The following GSG1L variants were observed in gnomAD, a reference collection of about 807,000 sequenced individuals.
The protein encoded by GSG1L is GSG1 like.
GSG1L carries 24 observed loss-of-function variants against 42.1 expected under a neutral mutation model. The ratio of observed to expected loss-of-function variants is 0.57; its 90% CI spans 0.41 to 0.80. The LOEUF (loss-of-function observed/expected upper bound fraction) is 0.80, where lower values mean the gene tolerates loss of function less well. Ranked by LOEUF, GSG1L falls within the 30% of genes least tolerant of loss-of-function variation. The pLI is 0.00. For synonymous variants in GSG1L, 215 were observed against 203.5 expected (o/e 1.06, Z -0.48); for missense variants, 445 against 472.2 (o/e 0.94, Z 0.53).
chr16:27,939,616 A>G (rs8057759), intron 2 of GSG1L, among the ~76,000 whole-genome samples: 26,098 of 152,112 alleles, frequency 0.17, 2,335 homozygotes, highest in Non-Finnish European at 0.19. Context: ...CTGGGCTTTT[A>G]AGTTCAAAAG....
Position 27,834,306 on chromosome 16 carries a change from G to T in GSG1L, c.663-5350C>A, listed in dbSNP as rs1006073848. Among the ~76,000 whole-genome samples, 3 of 152,096 alleles carry T rather than the reference G, an allele frequency of 2.0e-5. No individual in the cohort carries two copies. The South Asian group carries it at 6.2e-4, about 32-fold the overall frequency. On this transcript the variant is annotated intron_variant, in intron 4 of 6. Transcript: ENST00000447459. ...TAGAATAAGCCCCACTTATCATGAC[G>T]TATAATTATTTTTATATATTGCTGA...
chr16:28,029,346 C>T (rs1167270130), intron 1 of GSG1L, among the ~76,000 whole-genome samples: 4 of 152,160 alleles, frequency 2.6e-5, no homozygotes, highest in Non-Finnish European at 4.4e-5. Context: ...GAGATGGGAT[C>T]GTTTGTATCA....
chr16:27,918,861 T>C (rs1465071246), intron 2 of GSG1L, among the ~76,000 whole-genome samples: 1 of 152,084 alleles, frequency 6.6e-6, no homozygotes, highest in Non-Finnish European at 1.5e-5. Flanking sequence ...CATGAAATTC[T>C]ATGGGAGACA....
intron 4 of GSG1L, 57 bp from the exon 5 acceptor site, chr16:27,829,013 A>C (rs1167010152): frequency 3.3e-6 from 5 of 1,531,808 alleles, no homozygotes; most frequent in Non-Finnish European, 4.5e-6. Flanking sequence ...GACAGGAAAA[A>C]TCCCACACCC....
rs115818976 is a variant in GSG1L at position 27,796,629 on chromosome 16, C to T, written c.899-5162G>A. Among the ~76,000 whole-genome samples the T allele has an allele frequency of 2.5e-3, 380 of 152,288 alleles. 3 individuals are homozygous for T. The highest frequency in any genetic ancestry group is 8.6e-3 in the African/African-American group (356 of 41,546). On this transcript the variant is annotated intron_variant, in intron 6 of 6. Coordinates refer to ENST00000447459, the MANE Select transcript of GSG1L (RefSeq NM_001109763.2). ...GGAGGAAGGGCAGGCTTGAGTGGGA[C>T]GGACCCGTATGGAGGGAAGTTTGTG...
intron 1 of GSG1L, among the ~76,000 whole-genome samples, chr16:28,049,040 G>A (rs1296995735): frequency 6.6e-6 from 1 of 152,170 alleles, no homozygotes; most frequent in Non-Finnish European, 1.5e-5. Flanking sequence ...TCTCAGTACA[G>A]ATCCTGTGTA....
intron 2 of GSG1L, among the ~76,000 whole-genome samples, chr16:27,891,982 C>A (rs1451492426): frequency 6.7e-6 from 1 of 149,948 alleles, no homozygotes; most frequent in Non-Finnish European, 1.5e-5. Flanking sequence ...GAGTGCCCCA[C>A]CAGCACCACC....
Position 27,899,663 on chromosome 16 carries a change from G to T in GSG1L, c.398-15025C>A, listed in dbSNP as rs114217439. 3.0e-3 allele frequency among the ~76,000 whole-genome samples: 454 copies of T among 152,276 alleles called. 4 individuals carry two copies. Among genetic ancestry groups the T allele is most frequent in the Middle Eastern group, 0.01 (3 of 294 alleles). On this transcript the variant is annotated intron_variant, in intron 2 of 6. Transcript: ENST00000447459. ...GCTCGGGAGGTTGAAGCTACAGTGA[G>T]CTATGATTGTACCACTGCACTCCAG... is the stretch of plus-strand genomic sequence containing the variant.
At chr16:27,888,013 G>T (rs1415713969) in intron 2 of GSG1L, 11 of 766,954 alleles carry the variant, frequency 1.4e-5, no homozygotes, top group Middle Eastern at 6.5e-4. Flanking sequence ...GCCTGCAGGA[G>T]GGTGGCCGCC....
At chr16:27,953,498 G>A (rs1196057017) in intron 2 of GSG1L, among the ~76,000 whole-genome samples, 1 of 152,190 alleles carries the variant, frequency 6.6e-6, no homozygotes, top group African/African-American at 2.4e-5. Flanking sequence ...CCAACTGAGA[G>A]ATTATTGTCA....
chr16:27,983,207 T>G (rs1462431927), intron 1 of GSG1L, among the ~76,000 whole-genome samples: 1 of 152,032 alleles, frequency 6.6e-6, no homozygotes, highest in Non-Finnish European at 1.5e-5. Context: ...TGGCGGTGCA[T>G]GCCTGTAGTC....
chr16:28,046,369 T>C (rs949401889), intron 1 of GSG1L, among the ~76,000 whole-genome samples: 5 of 110,668 alleles, frequency 4.5e-5, no homozygotes, highest in Middle Eastern at 4.3e-3. Context: ...TTTTTTTTTT[T>C]CTGAGACGGA....
At chr16:27,883,308 T>G in intron 3 of GSG1L, among the ~76,000 whole-genome samples, 1 of 148,044 alleles carries the variant, frequency 6.8e-6, no homozygotes, top group East Asian at 2.0e-4. Flanking sequence ...CTTGGACAGC[T>G]GGGGATGGGG....
chr16:27,794,866 C>A (rs2144392372), intron 6 of GSG1L, among the ~76,000 whole-genome samples: 1 of 152,200 alleles, frequency 6.6e-6, no homozygotes, highest in Non-Finnish European at 1.5e-5. Flanking sequence ...CTGCTCTTCT[C>A]CAGCTGTTGA....
chr16:27,888,511 C>CCG (rs1567505998), intron 2 of GSG1L, among the ~76,000 whole-genome samples: 14 of 14,116 alleles, frequency 9.9e-4, no homozygotes, highest in South Asian at 3.5e-3. Flanking sequence ...TTCTTTCTTT[C>CCG]TTTCTTTCTT....
chr16:27,926,110 A>G (rs2084589250), intron 2 of GSG1L, among the ~76,000 whole-genome samples: 1 of 152,218 alleles, frequency 6.6e-6, no homozygotes, highest in Admixed American at 6.5e-5. Context: ...AGGAAAAAGG[A>G]GTGACAAAGC....
chr16:27,888,457 T>TC (rs1372082615), intron 2 of GSG1L, among the ~76,000 whole-genome samples: 406 of 18,892 alleles, frequency 0.021, 32 homozygotes, highest in South Asian at 0.053. Context: ...TCTTTCTTTC[T>TC]TTCTTTCTCT....
chr16:28,022,264 G>A (rs1421404050), intron 1 of GSG1L, among the ~76,000 whole-genome samples: 1 of 152,064 alleles, frequency 6.6e-6, no homozygotes, highest in Non-Finnish European at 1.5e-5. Context: ...ATTACATGAG[G>A]TTCAATCAGG....
At chr16:27,845,727 A>C (rs561122088) in intron 3 of GSG1L, among the ~76,000 whole-genome samples, 3 of 152,252 alleles carry the variant, frequency 2.0e-5, no homozygotes, top group African/African-American at 7.2e-5. Flanking sequence ...AGTGAGCTTG[A>C]GCATTTTTCA....
Sources: gnomAD v4.1 joint callset for allele counts (sites outside exome capture counted in the v4.1 genomes callset) on GRCh38, gnomAD v4.1.1 for gene constraint, MANE v1.5 for transcripts, NCBI Gene and HGNC (gene_info 2026-07-23, HGNC 2026-07-21) for gene names.